The following RUVBL1 variants were observed in gnomAD, a reference collection of about 807,000 sequenced individuals.
RUVBL1 encodes the protein ruvB-like 1.
In RUVBL1, 4 loss-of-function variants were observed where a neutral mutation model predicts 52.4. The observed-to-expected ratio is 0.08, with a 90% CI of 0.04 to 0.17. The LOEUF is 0.17. Among genes scored for constraint, RUVBL1 ranks in the 10% least tolerant of loss-of-function variants. RUVBL1 has a pLI of 1.00. For synonymous variants in RUVBL1, 217 were observed against 214.4 expected (o/e 1.01, Z -0.10); for missense variants, 298 against 572.8 (o/e 0.52, Z 4.90).
chr3:128,134,837 AAG>A (rs910726840), intron 1 of RUVBL1, among the ~76,000 whole-genome samples: 12 of 152,000 alleles, frequency 7.9e-5, no homozygotes, highest in Admixed American at 5.2e-4. Flanking sequence ...ATAAAATGCA[AAG>A]AGGGGAAAAA....
In RUVBL1 at chr3:128,148,211, G is replaced by A. The variant is rs926709527; in HGVS notation, c.-40+4992C>T. Among the ~76,000 whole-genome samples, 6 of 152,108 alleles carry A rather than the reference G, an allele frequency of 3.9e-5. No individual in the cohort carries two copies. In the East Asian group the frequency reaches 7.7e-4, roughly 20 times the overall value. On this transcript the variant is annotated intron_variant, in intron 1 of 9. Coordinates refer to the RUVBL1 transcript ENST00000464873. ...TGCATTGGCCAAAGCTCATAGAGCCGTACACCAACAAGGGTGAATTTTACT... is the reference window on the plus strand; with the variant it reads ...TGCATTGGCCAAAGCTCATAGAGCCATACACCAACAAGGGTGAATTTTACT...
At chr3:128,098,489 T>C (rs1576455222) in intron 7 of RUVBL1, among the ~76,000 whole-genome samples, 1 of 152,186 alleles carries the variant, frequency 6.6e-6, no homozygotes, top group Non-Finnish European at 1.5e-5. Context: ...CAGTGTCCCC[T>C]GTGGAGCTCT....
chr3:128,142,646 G>A (rs894400701), intron 1 of RUVBL1, among the ~76,000 whole-genome samples: 7 of 152,160 alleles, frequency 4.6e-5, no homozygotes, highest in African/African-American at 1.7e-4. Context: ...GGATTCTGGG[G>A]AAGAATCCAT....
chr3:128,080,240 A>G (rs571158767), downstream of RUVBL1, among the ~76,000 whole-genome samples: 293 of 152,356 alleles, frequency 1.9e-3, 4 homozygotes, highest in African/African-American at 6.6e-3. Flanking sequence ...TTGAGCAACA[A>G]AATAAATCTA....
chr3:128,108,209 C>G (rs2098390699), intron 3 of RUVBL1, among the ~76,000 whole-genome samples: 1 of 152,172 alleles, frequency 6.6e-6, no homozygotes, highest in Non-Finnish European at 1.5e-5. Context: ...CTCCCCACCC[C>G]CTCTCCCAAC....
chr3:128,087,697 G>T lies in RUVBL1; in HGVS notation c.1119+9C>A. 1 of 1,605,814 alleles carries T rather than the reference G, an allele frequency of 6.2e-7. No homozygotes were observed. The highest frequency in any genetic ancestry group is 8.5e-7 in the Non-Finnish European group (1 of 1,173,126). On this transcript the variant is annotated intron_variant, in intron 9 of 10. Coordinates refer to ENST00000322623, the MANE Select transcript of RUVBL1 (RefSeq NM_003707.3). ...GAGAAGAGAGCAGGAGGGAAGAAGG[G>T]AGGCTCACCTGTTTCATTTCCTGTG... is the stretch of plus-strand genomic sequence containing the variant.
chr3:128,115,240 T>C (rs1289418010), intron 2 of RUVBL1, among the ~76,000 whole-genome samples: 1 of 152,192 alleles, frequency 6.6e-6, no homozygotes, highest in African/African-American at 2.4e-5. Flanking sequence ...AGCACCAGGA[T>C]GCAAACCCCA....
chr3:128,152,902 CCGCCCT>C (rs1246502100), intron 1 of RUVBL1, among the ~76,000 whole-genome samples: 6 of 40,962 alleles, frequency 1.5e-4, no homozygotes, highest in Admixed American at 2.4e-4. Context: ...CCACGTCCCC[CCGCCCT>C]CCCCCGCCCC....
downstream of RUVBL1, among the ~76,000 whole-genome samples, chr3:128,078,436 A>G (rs577703917): frequency 1.0e-3 from 158 of 152,244 alleles, 1 homozygote; most frequent in African/African-American, 3.1e-3. Context: ...AGCCCTTCCC[A>G]GTCTCACAAG....
At chr3:128,126,201 T>TG (rs1943787836), upstream of RUVBL1, among the ~76,000 whole-genome samples, 1 of 147,518 alleles carries the variant, frequency 6.8e-6, no homozygotes, top group African/African-American at 2.5e-5. Flanking sequence ...AGTTGTTCCT[T>TG]TGTGTGTGTG....
At chr3:128,072,420 T>TA (rs1398582581) in intron 9 of RUVBL1, among the ~76,000 whole-genome samples, 1 of 152,240 alleles carries the variant, frequency 6.6e-6, no homozygotes, top group Non-Finnish European at 1.5e-5. Flanking sequence ...CTTGTAGTCT[T>TA]AGACCTTGTC....
chr3:128,085,757 A>G (rs1942627028), intron 9 of RUVBL1, among the ~76,000 whole-genome samples: 1 of 152,166 alleles, frequency 6.6e-6, no homozygotes, highest in Non-Finnish European at 1.5e-5. Flanking sequence ...AGTGCCAGGA[A>G]AGGCCCAGGA....
intron 1 of RUVBL1, among the ~76,000 whole-genome samples, chr3:128,142,863 T>G (rs1420713070): frequency 2.0e-5 from 3 of 152,088 alleles, no homozygotes; most frequent in African/African-American, 4.8e-5. Flanking sequence ...TCACTGCAAC[T>G]TCTGCCTGCC....
At chr3:128,129,130 G>C (rs1044237584) in intron 1 of RUVBL1, among the ~76,000 whole-genome samples, 13 of 152,034 alleles carry the variant, frequency 8.6e-5, no homozygotes, top group African/African-American at 3.1e-4. Flanking sequence ...TTTTACTCTT[G>C]CTGCTCCCAT....
At chr3:128,133,627 C>G (rs1036586947) in intron 1 of RUVBL1, among the ~76,000 whole-genome samples, 5 of 152,188 alleles carry the variant, frequency 3.3e-5, no homozygotes, top group Admixed American at 3.3e-4. Flanking sequence ...CAGATCTTAC[C>G]CAAGACCACC....
intron 2 of RUVBL1, among the ~76,000 whole-genome samples, chr3:128,116,083 C>T (rs1490454446): frequency 6.6e-6 from 1 of 151,936 alleles, no homozygotes; most frequent in East Asian, 1.9e-4. Context: ...GCCGAGATCA[C>T]TGCACTCCAG....
In RUVBL1 at chr3:128,150,864, T is replaced by TTA. The variant is rs369748425; in HGVS notation, c.-40+2337_-40+2338dup. Among the ~76,000 whole-genome samples the TTA allele has an allele frequency of 2.7e-4, 20 of 72,940 alleles. No homozygotes were observed. The East Asian group carries it at 4.8e-3, about 18-fold the overall frequency. 47.9% of individuals were successfully genotyped at this position (72,940 alleles called of 152,430 possible). A position where few individuals can be genotyped will look rare whatever the true frequency, so the allele number is the denominator to read the frequency against. ...CTATATATATTCTATATATTATATA[T>TTA]TATATATATATATTCTATATATATA... On this transcript the variant is annotated intron_variant, in intron 1 of 9. Transcript: ENST00000464873.
intron 1 of RUVBL1, among the ~76,000 whole-genome samples, chr3:128,131,412 T>C (rs982604893): frequency 1.3e-5 from 2 of 151,978 alleles, no homozygotes; most frequent in African/African-American, 2.4e-5. Context: ...TGGGAGGTGG[T>C]GGTTGCAGTG....
chr3:128,150,994 T>A (rs1361046936), intron 1 of RUVBL1, among the ~76,000 whole-genome samples: 3 of 94,756 alleles, frequency 3.2e-5, no homozygotes, highest in East Asian at 2.7e-4. Flanking sequence ...CTATATATAT[T>A]ATATATATTA....
Sources: gnomAD v4.1 joint callset for allele counts (sites outside exome capture counted in the v4.1 genomes callset) on GRCh38, gnomAD v4.1.1 for gene constraint, MANE v1.5 for transcripts, NCBI Gene and HGNC (gene_info 2026-07-23, HGNC 2026-07-21) for gene names.